ARAP2: variants seen among roughly 807,000 people sequenced by gnomAD.
ARAP2 encodes the protein arf-GAP with Rho-GAP domain, ANK repeat and PH domain-containing protein 2.
In ARAP2, 148 loss-of-function variants were observed where a neutral mutation model predicts 194.5. That is an observed-to-expected ratio of 0.76 (90% CI 0.67 to 0.87). ARAP2 has a LOEUF of 0.87. Among genes scored for constraint, ARAP2 ranks in the 40% least tolerant of loss-of-function variants. ARAP2 has a pLI of 0.00. For missense variants in ARAP2, 2,128 were observed against 1,989.7 expected (o/e 1.07, Z -1.32); for synonymous variants, 695 against 683.5 (o/e 1.02, Z -0.26).
intron 8 of ARAP2, among the ~76,000 whole-genome samples, chr4:36,013,124 A>C (rs1474175293): frequency 1.3e-5 from 2 of 152,198 alleles, no homozygotes; most frequent in African/African-American, 4.8e-5. Flanking sequence ...TGCATTATCA[A>C]CATTAGGTTT....
At chr4:36,151,099 T>G in intron 15 of ARAP2, 55 bp from the exon 16 acceptor site, 1 of 1,478,426 alleles carries the variant, frequency 6.8e-7, no homozygotes, top group Non-Finnish European at 9.1e-7. Context: ...AATCCAATTT[T>G]AAAAACAAAA....
intron 15 of ARAP2, among the ~76,000 whole-genome samples, chr4:36,152,025 A>T (rs1261357943): frequency 6.6e-6 from 1 of 152,156 alleles, no homozygotes; most frequent in Non-Finnish European, 1.5e-5. Context: ...TATGATTAGA[A>T]TCTTAGGTGG....
At chr4:36,205,312 A>G (rs1745317424) in intron 6 of ARAP2, among the ~76,000 whole-genome samples, 1 of 152,134 alleles carries the variant, frequency 6.6e-6, no homozygotes, top group Non-Finnish European at 1.5e-5. Flanking sequence ...AAAAAAAATC[A>G]GTATAAAAAC....
rs150613385 is a variant in ARAP2 at position 36,067,692 on chromosome 4, C to G, written c.*215G>C. 6.4e-6 allele frequency: 3 copies of G among 469,860 alleles called. No individual in the cohort carries two copies. The highest frequency in any genetic ancestry group is 1.1e-5 in the Non-Finnish European group (3 of 272,034). The allele number at this position is 469,860 out of a possible 1,614,324, so 29.1% of individuals were successfully genotyped here. ...TCTTACACACGTTAATACAATGGAA[C>G]TTTACAAGGTTTGTTCAGACCAAAA... On this transcript the variant is annotated 3_prime_UTR_variant, in exon 33 of 33. Transcript: ENST00000303965.
intron 2 of ARAP2, among the ~76,000 whole-genome samples, chr4:36,217,386 G>A (rs762940879): frequency 3.3e-5 from 5 of 152,216 alleles, no homozygotes; most frequent in African/African-American, 7.2e-5. Context: ...GTGGCGGCAC[G>A]CCAGGCACCT....
chr4:36,113,324 C>T (rs1217673323), intron 26 of ARAP2, among the ~76,000 whole-genome samples: 3 of 151,814 alleles, frequency 2.0e-5, no homozygotes, highest in Admixed American at 6.6e-5. Flanking sequence ...AACATTGAAA[C>T]ATTTTAAATT....
rs1201872837 is a variant in ARAP2, at chr4:36,244,275, C to G, written c.-256G>C. The G allele has an allele frequency of 6.6e-6, 1 of 152,004 alleles. No homozygotes were observed. The highest frequency in any genetic ancestry group is 6.5e-5 in the Admixed American group (1 of 15,286). 9.4% of individuals were successfully genotyped at this position (152,004 alleles called of 1,614,324 possible). A position where few individuals can be genotyped will look rare whatever the true frequency, so the allele number is the denominator to read the frequency against. On this transcript the variant is annotated 5_prime_UTR_variant, in exon 1 of 33. Transcript: ENST00000303965. The stretch of plus-strand genomic sequence containing the variant: ...CCAGCCTTGGGCGCTCGGTCCTCGC[C>G]CCTCTGCCGGAGGCGCCAGGCCTCC...
Position 36,232,240 on chromosome 4 carries a change from T to C in ARAP2, c.-159-2595A>G, listed in dbSNP as rs142324669. ...CCATCCTCACTGCTTTTGCCATGGT[T>C]CCGAAACTCATGACATCTTTTGCAT... On this transcript the variant is annotated intron_variant, in intron 1 of 32. Transcript: ENST00000303965. Among the ~76,000 whole-genome samples the C allele has an allele frequency of 7.0e-3, 1,063 of 152,342 alleles. 9 individuals carry two copies. Among genetic ancestry groups the C allele is most frequent in the African/African-American group, 0.022 (931 of 41,584 alleles).
At position 36,121,324 on chromosome 4, in the gene ARAP2, AC is replaced by A; in HGVS notation, c.3748del (p.Val1250PhefsTer10). The A allele has an allele frequency of 6.3e-7, 1 of 1,585,876 alleles. No individual in the cohort carries two copies. The highest frequency in any genetic ancestry group is 8.6e-7 in the Non-Finnish European group (1 of 1,165,696). On this transcript the variant is annotated frameshift_variant and splice_region_variant, in exon 23 of 33. Coordinates refer to ENST00000303965, the MANE Select transcript of ARAP2 (RefSeq NM_015230.4). LOFTEE classifies it high-confidence loss of function. ...GTGATTGATTTCTGAGCATTTCTGA[AC>A]CCTGTCAGAGAAAAGCATAGTTTAT... Reference protein sequence around the residue: ...LAAIIEHLYRVQKCSEINHMN... With the variant: ...LAAIIEHLYRXQKCSEINHMN...
At chr4:36,221,126 AG>A (rs562416050) in intron 2 of ARAP2, among the ~76,000 whole-genome samples, 42 of 152,230 alleles carry the variant, frequency 2.8e-4, no homozygotes, top group Non-Finnish European at 5.0e-4. Context: ...AATTTCCTAC[AG>A]TTCAGTACAG....
chr4:36,235,567 C>T (rs55941533), intron 1 of ARAP2, among the ~76,000 whole-genome samples: 9,037 of 152,256 alleles, frequency 0.059, 459 homozygotes, highest in Admixed American at 0.13. Flanking sequence ...TCTGTCTCCA[C>T]GGCTTCTACT....
At chr4:36,143,304 A>G (rs1728801583) in intron 19 of ARAP2, among the ~76,000 whole-genome samples, 1 of 151,678 alleles carries the variant, frequency 6.6e-6, no homozygotes. Context: ...ATTTTATAAA[A>G]ATGTTTTCTA....
chr4:36,133,859 G>A (rs1644432782), intron 19 of ARAP2, among the ~76,000 whole-genome samples: 1 of 151,702 alleles, frequency 6.6e-6, no homozygotes. Flanking sequence ...GAATGGCAAA[G>A]TTGTAACCTC....
At position 36,228,739 on chromosome 4, in the gene ARAP2, C is replaced by T. The variant is rs773021666; in HGVS notation, c.748G>A (p.Gly250Arg). ...SPPSPFFKFQ[G>R]EMIVNDLYVP... ...TACAAGTCATTTACAATCATTTCTC[C>T]TTGAAACTTAAAGAATGGGGATGGT... is the stretch of plus-strand genomic sequence containing the variant. Residue 250 changes from glycine (G) to arginine (R), a missense_variant, in exon 2 of 33, where the codon GGA becomes AGA. Gly to Arg is a moderately radical substitution (Grantham distance 125). Coordinates refer to ENST00000303965, the MANE Select transcript of ARAP2 (RefSeq NM_015230.4). 38 of 1,613,966 alleles carry T rather than the reference C, an allele frequency of 2.4e-5. No homozygotes were observed. In the South Asian group the frequency reaches 4.0e-4, roughly 17 times the overall value.
intron 13 of ARAP2, chr4:36,160,246 A>T: frequency 8.7e-7 from 1 of 1,144,916 alleles, no homozygotes; most frequent in Non-Finnish European, 1.1e-6. Context: ...TTAGCAGGAA[A>T]CTTCAATTAT....
At chr4:36,154,613 G>T (rs781649288) in intron 15 of ARAP2, among the ~76,000 whole-genome samples, 46 of 150,370 alleles carry the variant, frequency 3.1e-4, no homozygotes, top group South Asian at 6.3e-4. Context: ...ACACTAAATT[G>T]AAAAGGAAAA....
intron 9 of ARAP2, among the ~76,000 whole-genome samples, chr4:36,009,357 A>G (rs919238132): frequency 6.6e-6 from 1 of 152,188 alleles, no homozygotes; most frequent in African/African-American, 2.4e-5. Context: ...CTATGCAGCG[A>G]TAAAAAAGAA....
At chr4:36,159,071 T>A (rs1336364914) in intron 14 of ARAP2, among the ~76,000 whole-genome samples, 2 of 152,178 alleles carry the variant, frequency 1.3e-5, no homozygotes, top group Non-Finnish European at 2.9e-5. Context: ...AAAATCGGAT[T>A]TAATGTTGGT....
At chr4:36,209,255 T>TG (rs1213059769) in intron 6 of ARAP2, 5 of 337,514 alleles carry the variant, frequency 1.5e-5, no homozygotes, top group African/African-American at 1.1e-4. Context: ...ACCTGAGCAC[T>TG]GATCCACATG....
Sources: gnomAD v4.1 joint callset for allele counts (sites outside exome capture counted in the v4.1 genomes callset) on GRCh38, gnomAD v4.1.1 for gene constraint, MANE v1.5 for transcripts, NCBI Gene and HGNC (gene_info 2026-07-23, HGNC 2026-07-21) for gene names.